Variants in ZNF462 observed in about 807,000 individuals in gnomAD.
ZNF462 encodes the protein zinc finger PBX1-interacting protein.
A neutral mutation model predicts 201.9 loss-of-function variants in ZNF462; 10 were observed. That is an observed-to-expected ratio of 0.05 (90% CI 0.03 to 0.08). ZNF462 has a LOEUF of 0.08. Among genes scored for constraint, ZNF462 ranks in the 10% least tolerant of loss-of-function variants. The pLI is 1.00. For synonymous variants in ZNF462, 1,227 were observed against 1,193.3 expected (o/e 1.03, Z -0.58); for missense variants, 2,523 against 3,168.3 (o/e 0.80, Z 4.89).
intron 1 of ZNF462, among the ~76,000 whole-genome samples, chr9:106,918,587 C>G (rs972718621): frequency 6.6e-6 from 1 of 152,090 alleles, no homozygotes; most frequent in South Asian, 2.1e-4. Flanking sequence ...CTAAGAATAG[C>G]AACCCAACAT....
chr9:106,990,689 C>T (rs11532981), intron 10 of ZNF462, among the ~76,000 whole-genome samples: 9,465 of 151,960 alleles, frequency 0.062, 342 homozygotes, highest in Non-Finnish European at 0.086. Context: ...TAAAGAATTG[C>T]GACTTCCTGC....
Position 107,003,406 on chromosome 9 carries a change from A to T in ZNF462, c.7169A>T (p.Asn2390Ile), listed in dbSNP as rs1295821059. 1.9e-6 allele frequency: 3 copies of T among 1,613,606 alleles called. No homozygotes were observed. The highest frequency in any genetic ancestry group is 2.5e-6 in the Non-Finnish European group (3 of 1,179,786). The part of the protein sequence containing the change: ...SDDEDKEEEM[N>I]SKAEDRELMR... ...GATGAGGACAAGGAAGAAGAAATGA[A>T]CAGCAAGGCTGAAGACAGAGGTTAG... The change falls in exon 11 of 13, where the codon AAC becomes ATC. Residue 2390 changes from asparagine (N) to isoleucine (I), a missense_variant. Coordinates refer to ENST00000277225, the MANE Select transcript of ZNF462 (RefSeq NM_021224.6). The surrounding 1 kb of genome is among the most constrained non-coding windows in gnomAD (Gnocchi z 4.4).
In ZNF462 at chr9:106,927,214, C is replaced by T; in HGVS notation, c.3302C>T (p.Pro1101Leu). 1 of 1,609,368 alleles carries T rather than the reference C, an allele frequency of 6.2e-7. No individual in the cohort carries two copies. The highest frequency in any genetic ancestry group is 1.1e-5 in the South Asian group (1 of 90,510). The change falls in exon 3 of 13, where the codon CCC becomes CTC. Residue 1101 changes from proline to leucine, a missense_variant. Physicochemically the swap from Pro to Leu is moderately conservative, Grantham distance 98 (BLOSUM62 -3). Transcript: ENST00000277225. The stretch of plus-strand genomic sequence containing the variant: ...ATGTCCAACATGGGTTCCCCACCCC[C>T]CCCACAACCCCCGCCACCAGACCTC... ...PKMSNMGSPP[P>L]PQPPPPDLST...
Position 106,935,499 on chromosome 9 carries a change from C to G in ZNF462, c.6117-4C>G, listed in dbSNP as rs778581640. The G allele has an allele frequency of 2.5e-6, 4 of 1,612,584 alleles. No homozygotes were observed. The highest frequency in any genetic ancestry group is 1.3e-5 in the African/African-American group (1 of 75,022). ...TTTTCTTTTTGTTTTCCTTCTACAT[C>G]AAGTTTGGATCGCCATATGCAAACC... On this transcript the variant is annotated splice_region_variant and splice_polypyrimidine_tract_variant and intron_variant, in intron 5 of 12. Transcript: ENST00000277225. This position sits in a 1 kb window ranked among gnomAD's most constrained non-coding sequence, Gnocchi z 4.1.
chr9:106,937,700 T>C (rs1222090093), intron 6 of ZNF462, among the ~76,000 whole-genome samples: 4 of 152,178 alleles, frequency 2.6e-5, no homozygotes, highest in Non-Finnish European at 5.9e-5. Flanking sequence ...CTAATGCAAT[T>C]GAATATATAT....
At chr9:106,998,989 G>C (rs1464869371) in intron 10 of ZNF462, among the ~76,000 whole-genome samples, 1 of 152,082 alleles carries the variant, frequency 6.6e-6, no homozygotes, top group African/African-American at 2.4e-5. Context: ...GAGTGAATGG[G>C]CATTCACAGA....
rs1369399860 is a variant in ZNF462 at position 106,932,817 on chromosome 9, T to C, written c.6116+268T>C. The C allele has an allele frequency of 1.7e-6, 1 of 574,586 alleles. No homozygotes were observed. Among genetic ancestry groups the C allele is most frequent in the African/African-American group, 1.9e-5 (1 of 53,472 alleles). 35.6% of individuals were successfully genotyped at this position (574,586 alleles called of 1,614,324 possible). ...TGATTTACCCAAAGGTAAAATGGCATCTGTGGAGAGTAGATGAGTCTCCTG... is the reference window on the plus strand; with the variant it reads ...TGATTTACCCAAAGGTAAAATGGCACCTGTGGAGAGTAGATGAGTCTCCTG... On this transcript the variant is annotated intron_variant, in intron 5 of 12. Coordinates refer to ENST00000277225, the MANE Select transcript of ZNF462 (RefSeq NM_021224.6). This position sits in a 1 kb window ranked among gnomAD's most constrained non-coding sequence, Gnocchi z 6.8.
Position 106,929,820 on chromosome 9 carries a change from C to A in ZNF462, c.5847+61C>A. The A allele has an allele frequency of 1.4e-6, 2 of 1,464,362 alleles. No individual in the cohort carries two copies. The highest frequency in any genetic ancestry group is 1.9e-6 in the Non-Finnish European group (2 of 1,078,160). The allele number at this position is 1,464,362 out of a possible 1,614,324, so 90.7% of individuals were successfully genotyped here. A position where few individuals can be genotyped will look rare whatever the true frequency, so the allele number is the denominator to read the frequency against. ...GCCTCTCATCACTGGTGCCCACATG[C>A]ACTTCTTCGTTGCCAGCCAAACTGC... On this transcript the variant is annotated intron_variant, in intron 3 of 12. Coordinates refer to ENST00000277225, the MANE Select transcript of ZNF462 (RefSeq NM_021224.6). The surrounding 1 kb of genome is among the most constrained non-coding windows in gnomAD (Gnocchi z 8.7).
intron 6 of ZNF462, among the ~76,000 whole-genome samples, chr9:106,936,910 C>T (rs945463000): frequency 1.2e-4 from 19 of 152,148 alleles, no homozygotes; most frequent in Admixed American, 7.2e-4. Context: ...TACTCACTGG[C>T]TGGCAGGAAG....
Position 106,933,494 on chromosome 9 carries a change from T to C in ZNF462, c.6116+945T>C, listed in dbSNP as rs1047252699. Among the ~76,000 whole-genome samples, 1 of 152,192 alleles carries C rather than the reference T, an allele frequency of 6.6e-6. No individual in the cohort carries two copies. The highest frequency in any genetic ancestry group is 1.5e-5 in the Non-Finnish European group (1 of 68,016). On this transcript the variant is annotated intron_variant, in intron 5 of 12. Transcript: ENST00000277225. This position sits in a 1 kb window ranked among gnomAD's most constrained non-coding sequence, Gnocchi z 4.3. ...TATTTATTGAACAGCATCTATCACA[T>C]TGTCTGACGCACAGTGGAACTTTAA...
intron 1 of ZNF462, among the ~76,000 whole-genome samples, chr9:106,916,129 AT>A (rs924495788): frequency 2.5e-4 from 38 of 150,404 alleles, no homozygotes; most frequent in South Asian, 1.1e-3. Flanking sequence ...GCCATACATC[AT>A]TTTTTTTTTC....
chr9:106,970,559 G>C lies in ZNF462; in HGVS notation c.6428-1446G>C, dbSNP rs1037474482. On this transcript the variant is annotated intron_variant, in intron 7 of 12. Transcript: ENST00000277225. This position sits in a 1 kb window ranked among gnomAD's most constrained non-coding sequence, Gnocchi z 4.2. ...TAAGTGTCCATCAAATCAGGAGGAG[G>C]CTTGTACAGTTTCTATCCCCTTTCC... is the stretch of plus-strand genomic sequence containing the variant. Among the ~76,000 whole-genome samples the C allele has an allele frequency of 6.6e-6, 1 of 152,174 alleles. No homozygotes were observed. Among genetic ancestry groups the C allele is most frequent in the Non-Finnish European group, 1.5e-5 (1 of 68,032 alleles).
At chr9:106,964,747 T>C (rs948397953) in intron 7 of ZNF462, among the ~76,000 whole-genome samples, 2 of 152,256 alleles carry the variant, frequency 1.3e-5, no homozygotes, top group Non-Finnish European at 1.5e-5. Context: ...AATAACACTT[T>C]TATACCTATA....
In ZNF462 at chr9:106,927,497, C is replaced by T; in HGVS notation, c.3585C>T (p.Cys1195=). 1 of 1,613,572 alleles carries T rather than the reference C, an allele frequency of 6.2e-7. No homozygotes were observed. The highest frequency in any genetic ancestry group is 8.5e-7 in the Non-Finnish European group (1 of 1,179,948). ...CTGTGGAGAATGAGATGTTCTTTTG[C>T]CAGCACTGTGATTATGGGAACCGGA... ...GPPVENEMFF[C]QHCDYGNRTV... is the part of the protein sequence containing the mutation. Residue 1195 remains cysteine (C), a synonymous_variant, in exon 3 of 13, where the codon TGC becomes TGT. Coordinates refer to ENST00000277225, the MANE Select transcript of ZNF462 (RefSeq NM_021224.6).
At position 106,924,592 on chromosome 9, in the gene ZNF462, G is replaced by A; in HGVS notation, c.680G>A (p.Ser227Asn). The change falls in exon 3 of 13, where the codon AGC (serine) becomes AAC (asparagine). Residue 227 changes from serine (S) to asparagine (N), a missense_variant. By Grantham distance (46) the Ser-to-Asn change is conservative (BLOSUM62 1). Coordinates refer to ENST00000277225, the MANE Select transcript of ZNF462 (RefSeq NM_021224.6). The surrounding 1 kb of genome is among the most constrained non-coding windows in gnomAD (Gnocchi z 6.2). ...CTGCCAGCAGAGGTTGTGGAGCGCA[G>A]CATCTTAGAGTCTATGGTCAAGCCT... ...KELPAEVVER[S>N]ILESMVKPLT... The A allele has an allele frequency of 1.2e-6, 2 of 1,614,176 alleles. No individual in the cohort carries two copies. The highest frequency in any genetic ancestry group is 1.1e-5 in the South Asian group (1 of 91,070).
rs1358773552 is a variant in ZNF462 at position 107,010,985 on chromosome 9, T to G, written c.7476T>G (p.Thr2492=). 2.5e-6 allele frequency: 4 copies of G among 1,613,644 alleles called. No individual in the cohort carries two copies. The highest frequency in any genetic ancestry group is 3.4e-6 in the Non-Finnish European group (4 of 1,179,898). ...AAACAGTAGCCATCTGTGTAGTAAC[T>G]GCCGACAAATCTCTCCTGGAGAATG... ...KNETVAICVV[T]ADKSLLENAE... Residue 2492 remains threonine (T), a synonymous_variant, in exon 13 of 13, where the codon ACT becomes ACG. Transcript: ENST00000277225. The surrounding 1 kb of genome is among the most constrained non-coding windows in gnomAD (Gnocchi z 4.6).
intron 7 of ZNF462, among the ~76,000 whole-genome samples, chr9:106,946,692 G>A (rs149650306): frequency 1.4e-3 from 220 of 152,156 alleles, no homozygotes; most frequent in African/African-American, 4.9e-3. Flanking sequence ...GAAGAGCCCC[G>A]GTGTTGTGGC....
At chr9:106,900,943 G>A (rs1025781807) in intron 1 of ZNF462, among the ~76,000 whole-genome samples, 1 of 151,988 alleles carries the variant, frequency 6.6e-6, no homozygotes. Context: ...TTGGCTTCTT[G>A]GTCATGAAAT....
At chr9:106,979,966 G>A (rs1041208273) in intron 9 of ZNF462, among the ~76,000 whole-genome samples, 2 of 152,182 alleles carry the variant, frequency 1.3e-5, no homozygotes, top group Non-Finnish European at 2.9e-5. Context: ...GCAAGTGGGA[G>A]CCTTGGGAAC....
Sources: allele counts gnomAD v4.1 joint callset (sites outside exome capture counted in the v4.1 genomes callset), GRCh38; gene constraint gnomAD v4.1.1; non-coding constraint Gnocchi (gnomAD v3.1); transcripts MANE v1.5; gene names NCBI Gene and HGNC (gene_info 2026-07-23, HGNC 2026-07-21).